The following TUBGCP3 variants were observed in gnomAD, a reference collection of about 807,000 sequenced individuals.
TUBGCP3 encodes gamma-tubulin complex component 3.
A neutral mutation model predicts 123.1 loss-of-function variants in TUBGCP3; 50 were observed. That is an observed-to-expected ratio of 0.41 (90% CI 0.32 to 0.51). The LOEUF (loss-of-function observed/expected upper bound fraction) is 0.51. TUBGCP3 is among the 20% of genes least tolerant of loss of function. The pLI, the probability that TUBGCP3 is intolerant of heterozygous loss-of-function variation, is 0.36. For missense variants in TUBGCP3, 882 were observed against 1,127.0 expected, an observed-to-expected ratio of 0.78 and a Z score of 3.11; for synonymous variants, 405 against 413.9, an observed-to-expected ratio of 0.98 and a Z score of 0.26.
chr13:112,513,397 T>C (rs984142395), intron 17 of TUBGCP3, among the ~76,000 whole-genome samples: 3 of 152,226 alleles, frequency 2.0e-5, no homozygotes, highest in Admixed American at 1.3e-4. Flanking sequence ...ATCTGCTTGG[T>C]AGATCATGAT....
chr13:112,564,397 T>A (rs1253367628), intron 3 of TUBGCP3, among the ~76,000 whole-genome samples: 1 of 152,246 alleles, frequency 6.6e-6, no homozygotes, highest in Non-Finnish European at 1.5e-5. Flanking sequence ...CCTCTCTAGA[T>A]TCACTTTCTT....
chr13:112,512,972 A>G (rs1030447668), intron 17 of TUBGCP3, among the ~76,000 whole-genome samples: 1 of 152,228 alleles, frequency 6.6e-6, no homozygotes, highest in African/African-American at 2.4e-5. Context: ...TTGATTCTTC[A>G]TGAACGATGA....
At chr13:112,504,771 G>T in intron 17 of TUBGCP3, 57 bp from the exon 18 acceptor site, 1 of 1,396,264 alleles carries the variant, frequency 7.2e-7, no homozygotes, top group Non-Finnish European at 1.0e-6. Flanking sequence ...CCGACAACGC[G>T]CTGTTCTCCC....
At chr13:112,601,615 C>T in the TUBGCP3 span, among the ~76,000 whole-genome samples, 4 of 152,202 alleles carry the variant, frequency 2.6e-5, no homozygotes, top group African/African-American at 7.2e-5. Context: ...AAGGTCAAGA[C>T]CTTTGGAGTC....
chr13:112,587,821 A>C, intron 1 of TUBGCP3, 84 bp downstream of exon 1: 2 of 1,254,216 alleles, frequency 1.6e-6, no homozygotes, highest in South Asian at 2.9e-5. Context: ...TCGTTCCTCC[A>C]GCCCCGGAAC....
chr13:112,559,180 GGAAAA>G (rs68041328), intron 4 of TUBGCP3, 137 bp downstream of exon 4: 113,007 of 622,960 alleles, frequency 0.18, 11,184 homozygotes, highest in East Asian at 0.29. Context: ...AAAAGAAAAA[GGAAAA>G]GAAATCTCTT....
intron 1 of TUBGCP3, among the ~76,000 whole-genome samples, chr13:112,586,809 G>A (rs1882641926): frequency 6.6e-6 from 1 of 152,142 alleles, no homozygotes; most frequent in Non-Finnish European, 1.5e-5. Context: ...GAACTTTGAG[G>A]ACGGGGTTGT....
the TUBGCP3 span, among the ~76,000 whole-genome samples, chr13:112,601,567 C>T: frequency 6.6e-6 from 1 of 152,138 alleles, no homozygotes; most frequent in Non-Finnish European, 1.5e-5. Context: ...TGGCCTGTGA[C>T]ATCTGGAATG....
chr13:112,536,016 G>A (rs995229872), intron 11 of TUBGCP3, among the ~76,000 whole-genome samples: 5 of 152,146 alleles, frequency 3.3e-5, no homozygotes, highest in African/African-American at 4.8e-5. Flanking sequence ...TGCTGAATAC[G>A]CTTTTTATCT....
chr13:112,570,860 T>C (rs1159790635), intron 1 of TUBGCP3, among the ~76,000 whole-genome samples: 2 of 152,240 alleles, frequency 1.3e-5, no homozygotes, highest in Non-Finnish European at 2.9e-5. Context: ...AATTCTTTGT[T>C]GTCATTTCAA....
At chr13:112,552,963 C>T (rs1201301598) in intron 8 of TUBGCP3, among the ~76,000 whole-genome samples, 1 of 151,950 alleles carries the variant, frequency 6.6e-6, no homozygotes, top group Admixed American at 6.5e-5. Flanking sequence ...TCACCAGCCA[C>T]ACTGCCACAC....
chr13:112,490,113 T>C (rs1287502757), intron 20 of TUBGCP3, among the ~76,000 whole-genome samples: 2 of 152,236 alleles, frequency 1.3e-5, no homozygotes, highest in Non-Finnish European at 2.9e-5. Flanking sequence ...ATCTTGACTT[T>C]AGTGAGAATG....
chr13:112,558,461 G>C, intron 4 of TUBGCP3, 48 bp from the exon 5 acceptor site: 1 of 1,448,772 alleles, frequency 6.9e-7, no homozygotes, highest in Non-Finnish European at 9.2e-7. Flanking sequence ...TTACAGAACA[G>C]TCTTCCCAAA....
At position 112,504,186 on chromosome 13, in the gene TUBGCP3, C is replaced by T. The variant is rs371232252; in HGVS notation, c.2176-23G>A. The T allele has an allele frequency of 9.6e-5, 155 of 1,613,700 alleles. 1 individual carries two copies. The highest frequency in any genetic ancestry group is 6.5e-4 in the Admixed American group (39 of 59,974). ...CACCTGGGAAACAACAATTTAAAGA[C>T]GCTAGATAAGCTCATGTCCTTCCTA... On this transcript the variant is annotated intron_variant, in intron 18 of 21. Coordinates refer to ENST00000261965, the MANE Select transcript of TUBGCP3 (RefSeq NM_006322.6).
Position 112,547,754 on chromosome 13 carries a change from TA to T in TUBGCP3, c.1036-3del. The T allele has an allele frequency of 6.8e-7, 1 of 1,461,140 alleles. No homozygotes were observed. The allele number at this position is 1,461,140 out of a possible 1,614,324, so 90.5% of individuals were successfully genotyped here. A position where few individuals can be genotyped will look rare whatever the true frequency, so the allele number is the denominator to read the frequency against. ...ACCCTGGTCATCCTCTAGTTGTAGC[TA>T]AAAAACAATAAAGATAGAAATGTTT... On this transcript the variant is annotated splice_polypyrimidine_tract_variant and splice_region_variant and intron_variant, in intron 9 of 21. Transcript: ENST00000261965.
Position 112,588,144 on chromosome 13 carries a change from C to T in TUBGCP3, c.-164G>A. 1 of 512,978 alleles carries T rather than the reference C, an allele frequency of 1.9e-6. No individual in the cohort carries two copies. The highest frequency in any genetic ancestry group is 3.2e-6 in the Non-Finnish European group (1 of 316,340). The allele number at this position is 512,978 out of a possible 1,614,324, so 31.8% of individuals were successfully genotyped here. On this transcript the variant is annotated 5_prime_UTR_variant, in exon 1 of 22. Transcript: ENST00000261965. ...CAGGGCGCCATTTTAACGGAACCCG[C>T]CGAAAGCGCGGGCGCTTCCCACAAT...
At chr13:112,498,802 T>C in intron 20 of TUBGCP3, 1 of 1,553,724 alleles carries the variant, frequency 6.4e-7, no homozygotes, top group South Asian at 1.2e-5. Context: ...GCAGGAGATT[T>C]GTAATTCTCA....
chr13:112,600,956 G>A, the TUBGCP3 span, among the ~76,000 whole-genome samples: 8 of 152,078 alleles, frequency 5.3e-5, no homozygotes, highest in Admixed American at 1.3e-4. Context: ...GAGAGGCCAA[G>A]GCAGGTAGAT....
At chr13:112,592,001 C>T (rs1162926279), upstream of TUBGCP3, among the ~76,000 whole-genome samples, 4 of 152,174 alleles carry the variant, frequency 2.6e-5, no homozygotes, top group African/African-American at 9.7e-5. The surrounding 1 kb of genome is among the most constrained non-coding windows in gnomAD (Gnocchi z 4.1). Flanking sequence ...AACAGTGCAT[C>T]TACACCATTG....
Sources: allele counts gnomAD v4.1 joint callset (sites outside exome capture counted in the v4.1 genomes callset), GRCh38; gene constraint gnomAD v4.1.1; non-coding constraint Gnocchi (gnomAD v3.1); transcripts MANE v1.5; gene names NCBI Gene and HGNC (gene_info 2026-07-23, HGNC 2026-07-21).